The following XPNPEP1 variants were observed in gnomAD, a reference collection of about 807,000 sequenced individuals.
XPNPEP1 encodes the protein X-prolyl aminopeptidase 1, also known as xaa-Pro aminopeptidase 1.
A neutral mutation model predicts 92.4 loss-of-function variants in XPNPEP1; 39 were observed. That is an observed-to-expected ratio of 0.42 (90% CI 0.33 to 0.55). The LOEUF (loss-of-function observed/expected upper bound fraction) is 0.55, where lower values mean the gene tolerates loss of function less well. Among genes scored for constraint, XPNPEP1 ranks in the 20% least tolerant of loss-of-function variants. The probability of loss-of-function intolerance (pLI) is 0.08; values close to 1 mark genes in which losing one functional copy is unlikely to be tolerated. For synonymous variants in XPNPEP1, 307 were observed against 299.4 expected, an observed-to-expected ratio of 1.03 and a Z score of -0.26; for missense variants, 654 against 856.1, an observed-to-expected ratio of 0.76 and a Z score of 2.95.
intron 3 of XPNPEP1, among the ~76,000 whole-genome samples, chr10:109,907,309 C>T (rs1319021435): frequency 2.6e-5 from 4 of 152,208 alleles, no homozygotes; most frequent in African/African-American, 7.2e-5. Context: ...TACCCTACCG[C>T]CCATCAACCC....
chr10:109,874,774 C>A (rs1304755002), intron 15 of XPNPEP1, among the ~76,000 whole-genome samples: 1 of 152,146 alleles, frequency 6.6e-6, no homozygotes, highest in Non-Finnish European at 1.5e-5. Context: ...ATGGTGAAAC[C>A]CCGTCTCCAC....
intron 2 of XPNPEP1, among the ~76,000 whole-genome samples, chr10:109,909,788 T>C (rs1849761557): frequency 6.6e-6 from 1 of 152,230 alleles, no homozygotes; most frequent in East Asian, 1.9e-4. Flanking sequence ...TCATTTTTAA[T>C]AGACTTCATT....
At chr10:109,865,347 CACT>C (rs758022257) in intron 20 of XPNPEP1, 35 bp from the exon 21 acceptor site, 17 of 1,613,230 alleles carry the variant, frequency 1.1e-5, no homozygotes, top group African/African-American at 1.3e-5. Flanking sequence ...CGGTATTCAC[CACT>C]ACATCTTTAA....
rs538327971 is a variant in XPNPEP1 at position 109,868,863 on chromosome 10, A to C, written c.1774-151T>G. ...TGGTCACCACTTTTCACAGACACAC[A>C]AGGAACCTGATGCCATTTTCCAAGA... is the stretch of plus-strand genomic sequence containing the variant. On this transcript the variant is annotated intron_variant, in intron 19 of 20. Transcript: ENST00000502935. 109 of 677,286 alleles carry C rather than the reference A, an allele frequency of 1.6e-4. 1 individual carries two copies. Among genetic ancestry groups the C allele is most frequent in the Non-Finnish European group, 2.5e-4 (99 of 394,556 alleles). The allele number at this position is 677,286 out of a possible 1,614,324, so 42.0% of individuals were successfully genotyped here.
chr10:109,865,376 GTCA>G, intron 20 of XPNPEP1, 64 bp from the exon 21 acceptor site: 1 of 1,604,004 alleles, frequency 6.2e-7, no homozygotes, highest in Non-Finnish European at 8.5e-7. Context: ...GGCTACACAG[GTCA>G]ACAGCAAAGG....
intron 2 of XPNPEP1, among the ~76,000 whole-genome samples, chr10:109,912,653 G>A (rs1849941316): frequency 1.3e-5 from 2 of 152,182 alleles, no homozygotes; most frequent in South Asian, 4.1e-4. Context: ...GAGTAAATGA[G>A]TTACTATACA....
intron 15 of XPNPEP1, among the ~76,000 whole-genome samples, chr10:109,874,158 A>G (rs939307825): frequency 6.6e-6 from 1 of 152,250 alleles, no homozygotes; most frequent in African/African-American, 2.4e-5. Flanking sequence ...GTTATTTTAA[A>G]AAATGAAACA....
intron 1 of XPNPEP1, among the ~76,000 whole-genome samples, chr10:109,919,986 C>G (rs1325166616): frequency 1.3e-5 from 2 of 151,702 alleles, no homozygotes; most frequent in Non-Finnish European, 2.9e-5. Flanking sequence ...GAGCCAAGAT[C>G]GTGCCACTGC....
At chr10:109,870,614 G>A in intron 18 of XPNPEP1, 117 bp downstream of exon 18, 1 of 1,349,816 alleles carries the variant, frequency 7.4e-7, no homozygotes. Flanking sequence ...AGAAAAGTTT[G>A]TTGGAAGGGA....
intron 1 of XPNPEP1, among the ~76,000 whole-genome samples, chr10:109,917,204 T>A (rs1166251761): frequency 6.6e-6 from 1 of 152,124 alleles, no homozygotes; most frequent in Non-Finnish European, 1.5e-5. Context: ...TATCTCTATT[T>A]GCAATTGACA....
chr10:109,872,452 G>GT (rs1393097390), intron 16 of XPNPEP1, among the ~76,000 whole-genome samples: 2 of 152,234 alleles, frequency 1.3e-5, no homozygotes, highest in Admixed American at 6.5e-5. Flanking sequence ...CAGCTTGCCA[G>GT]TAAGGTGCAG....
intron 9 of XPNPEP1, among the ~76,000 whole-genome samples, chr10:109,883,374 A>ATTACT (rs1848213512): frequency 6.6e-6 from 1 of 152,022 alleles, no homozygotes; most frequent in South Asian, 2.1e-4. Flanking sequence ...GCTTCAAAAT[A>ATTACT]TTACTTTCCC....
intron 8 of XPNPEP1, 79 bp downstream of exon 8, chr10:109,886,167 T>G: frequency 7.0e-7 from 1 of 1,436,284 alleles, no homozygotes; most frequent in South Asian, 1.2e-5. Flanking sequence ...GAAAGTTGAA[T>G]GGCATGAACA....
In XPNPEP1 at chr10:109,886,291, T is replaced by A. The variant is rs1564763456; in HGVS notation, c.703A>T (p.Arg235Trp). Residue 235 changes from arginine (R) to tryptophan (W), a missense_variant, in exon 8 of 21, where the codon AGG (arginine) becomes TGG (tryptophan). Arg to Trp is a moderately radical substitution (Grantham distance 101, BLOSUM62 -3). Transcript: ENST00000502935. Reference sequence around the variant, plus strand: ...GTGACCACAAACCACATGACGTTCCTCTCAGCCATTTTCAACCGAAGGTCT... The same window carrying A: ...GTGACCACAAACCACATGACGTTCCACTCAGCCATTTTCAACCGAAGGTCT... Reference protein sequence around the residue: ...VADLRLKMAERNVMWFVVTAL... With the variant: ...VADLRLKMAEWNVMWFVVTAL... 2.5e-6 allele frequency: 4 copies of A among 1,613,994 alleles called. No individual in the cohort carries two copies. Among genetic ancestry groups the A allele is most frequent in the Non-Finnish European group, 3.4e-6 (4 of 1,180,034 alleles).
chr10:109,888,490 C>G lies in XPNPEP1; in HGVS notation c.508+13G>C, dbSNP rs1375951015. 6.2e-7 allele frequency: 1 copy of G among 1,601,608 alleles called. No homozygotes were observed. The highest frequency in any genetic ancestry group is 8.5e-7 in the Non-Finnish European group (1 of 1,173,918). On this transcript the variant is annotated intron_variant, in intron 6 of 20. Coordinates refer to ENST00000502935, the MANE Select transcript of XPNPEP1 (RefSeq NM_020383.4). ...CTTCCTTACCCAAGCAGAAAGGGACCAAGCTCACTTACCTGTAGGAATGAT... is the reference window on the plus strand; with the variant it reads ...CTTCCTTACCCAAGCAGAAAGGGACGAAGCTCACTTACCTGTAGGAATGAT...
At chr10:109,914,381 T>C (rs1850055057) in intron 2 of XPNPEP1, among the ~76,000 whole-genome samples, 1 of 152,022 alleles carries the variant, frequency 6.6e-6, no homozygotes, top group African/African-American at 2.4e-5. Context: ...ATTAGAGAAA[T>C]AGAGAACATT....
At chr10:109,892,826 G>A (rs1355109130) in intron 4 of XPNPEP1, among the ~76,000 whole-genome samples, 186 bp downstream of exon 4, 1 of 152,158 alleles carries the variant, frequency 6.6e-6, no homozygotes, top group Non-Finnish European at 1.5e-5. Context: ...AATAAAAAGG[G>A]TTACTGAAAG....
intron 10 of XPNPEP1, among the ~76,000 whole-genome samples, chr10:109,881,582 ACT>A (rs1480416070): frequency 2.0e-5 from 3 of 152,182 alleles, no homozygotes; most frequent in Admixed American, 1.3e-4. Flanking sequence ...GAGGAGTCAC[ACT>A]GTGTGTGATG....
At chr10:109,901,108 A>G (rs1258684523) in intron 3 of XPNPEP1, among the ~76,000 whole-genome samples, 3 of 152,140 alleles carry the variant, frequency 2.0e-5, no homozygotes, top group Non-Finnish European at 4.4e-5. Context: ...CAGCCATAAA[A>G]AAGGATGAGT....
Sources: allele counts gnomAD v4.1 joint callset (sites outside exome capture counted in the v4.1 genomes callset), GRCh38; gene constraint gnomAD v4.1.1; transcripts MANE v1.5; gene names NCBI Gene and HGNC (gene_info 2026-07-23, HGNC 2026-07-21).